Variants in FSTL1 observed in about 807,000 individuals in gnomAD.
The protein encoded by FSTL1 is follistatin like 1.
FSTL1 carries 24 observed loss-of-function variants against 45.9 expected under a neutral mutation model. The ratio of observed to expected loss-of-function variants is 0.52; its 90% CI spans 0.38 to 0.74. FSTL1 has a LOEUF of 0.74. Ranked by LOEUF, FSTL1 falls within the 30% of genes least tolerant of loss-of-function variation. The pLI is 0.00. For missense variants in FSTL1, 340 were observed against 381.8 expected (o/e 0.89, Z 0.91); for synonymous variants, 120 against 137.6 (o/e 0.87, Z 0.89).
intron 2 of FSTL1, among the ~76,000 whole-genome samples, chr3:120,441,971 C>T (rs1937633518): frequency 6.6e-6 from 1 of 152,224 alleles, no homozygotes; most frequent in Non-Finnish European, 1.5e-5. Context: ...TTATGTTATA[C>T]TTCCTCTCGA....
intron 2 of FSTL1, among the ~76,000 whole-genome samples, chr3:120,442,257 G>A (rs760991689): frequency 1.3e-5 from 2 of 152,180 alleles, no homozygotes; most frequent in African/African-American, 2.4e-5. Context: ...GTGACTTCGG[G>A]GAGGTTAAGT....
intron 2 of FSTL1, among the ~76,000 whole-genome samples, chr3:120,447,535 A>G (rs1937783074): frequency 6.6e-6 from 1 of 152,204 alleles, no homozygotes; most frequent in African/African-American, 2.4e-5. Flanking sequence ...ACAGAGTAGT[A>G]AGAGAGTGAG....
intron 9 of FSTL1, chr3:120,400,169 C>T (rs1373451704): frequency 1.7e-6 from 1 of 581,780 alleles, no homozygotes; most frequent in Non-Finnish European, 3.1e-6. Context: ...CAATCTACCC[C>T]AACTCCTCTC....
In FSTL1 at chr3:120,445,680, T is replaced by TA. The variant is rs1005188979; in HGVS notation, c.63+5003dup. On this transcript the variant is annotated intron_variant, in intron 2 of 10. Transcript: ENST00000295633. Reference sequence around the variant, plus strand: ...AGGAAGGCCCTACATTAATGTAAATTAAAAAAAAAACAGCAATAAGTATAA... The same window carrying TA: ...AGGAAGGCCCTACATTAATGTAAATTAAAAAAAAAAACAGCAATAAGTATAA... Among the ~76,000 whole-genome samples the TA allele has an allele frequency of 2.1e-3, 302 of 145,524 alleles. 30 individuals are homozygous for TA. The highest frequency in any genetic ancestry group is 5.9e-3 in the African/African-American group (221 of 37,670).
intron 10 of FSTL1, 148 bp downstream of exon 10, chr3:120,399,735 A>T (rs2107648684): frequency 1.7e-6 from 1 of 602,746 alleles, no homozygotes; most frequent in East Asian, 2.8e-5. Context: ...TCACAGTTTG[A>T]TAGTACAGGT....
chr3:120,396,047 G>T lies in FSTL1; in HGVS notation c.*905C>A. 1 of 216,678 alleles carries T rather than the reference G, an allele frequency of 4.6e-6. No individual in the cohort carries two copies. The allele number at this position is 216,678 out of a possible 1,614,324, so 13.4% of individuals were successfully genotyped here. Reference sequence around the variant, plus strand: ...CACCCTTGCTCCTCTGGCAGATAGTGGACTGCTGGAAGCTAGGGGGGCCAA... The same window carrying T: ...CACCCTTGCTCCTCTGGCAGATAGTTGACTGCTGGAAGCTAGGGGGGCCAA... On this transcript the variant is annotated 3_prime_UTR_variant, in exon 11 of 11. Coordinates refer to ENST00000295633, the MANE Select transcript of FSTL1 (RefSeq NM_007085.5).
rs368569724 is a variant in FSTL1, at chr3:120,447,731, C to T, written c.63+2953G>A. ...TGGCACCATCACGGCTCACTGCAGC[C>T]TCAACCTCCTGGGTTCAAGTGATTT... is the stretch of plus-strand genomic sequence containing the variant. On this transcript the variant is annotated intron_variant, in intron 2 of 10. Coordinates refer to ENST00000295633, the MANE Select transcript of FSTL1 (RefSeq NM_007085.5). 1.5e-4 allele frequency among the ~76,000 whole-genome samples: 23 copies of T among 152,338 alleles called. 1 individual carries two copies. In the South Asian group the frequency reaches 4.6e-3, roughly 30 times the overall value.
intron 2 of FSTL1, among the ~76,000 whole-genome samples, chr3:120,424,727 G>A (rs962706429): frequency 2.6e-5 from 4 of 152,190 alleles, no homozygotes; most frequent in Non-Finnish European, 5.9e-5. Flanking sequence ...CCTGAATAGA[G>A]AGAGGAAGGA....
intron 2 of FSTL1, among the ~76,000 whole-genome samples, chr3:120,426,100 A>G (rs1265587148): frequency 6.6e-6 from 1 of 152,168 alleles, no homozygotes; most frequent in Non-Finnish European, 1.5e-5. Flanking sequence ...ACATTTACTC[A>G]GCATTCATGC....
At chr3:120,407,064 G>A (rs780334680) in intron 6 of FSTL1, among the ~76,000 whole-genome samples, 3 of 152,178 alleles carry the variant, frequency 2.0e-5, no homozygotes, top group Non-Finnish European at 4.4e-5. Context: ...CATGAATTCA[G>A]GTGTGAAATT....
chr3:120,399,878 C>T lies in FSTL1; in HGVS notation c.882+5G>A. Reference sequence around the variant, plus strand: ...ACCTGAACCAGCACGGAGGCTGCCACTCACCTGATGCTTTTGGAGCTCCTG... The same window carrying T: ...ACCTGAACCAGCACGGAGGCTGCCATTCACCTGATGCTTTTGGAGCTCCTG... On this transcript the variant is annotated splice_donor_5th_base_variant and intron_variant, in intron 10 of 10. Transcript: ENST00000295633. 6.3e-7 allele frequency: 1 copy of T among 1,593,894 alleles called. No individual in the cohort carries two copies. Among genetic ancestry groups the T allele is most frequent in the Non-Finnish European group, 8.6e-7 (1 of 1,166,564 alleles).
At chr3:120,437,377 A>G (rs899516895) in intron 2 of FSTL1, among the ~76,000 whole-genome samples, 1 of 152,230 alleles carries the variant, frequency 6.6e-6, no homozygotes, top group Non-Finnish European at 1.5e-5. Flanking sequence ...CAAACTTCAC[A>G]CCATAAAAAT....
intron 10 of FSTL1, 51 bp downstream of exon 10, chr3:120,399,832 G>A: frequency 8.1e-7 from 1 of 1,231,624 alleles, no homozygotes; most frequent in African/African-American, 1.5e-5. Flanking sequence ...GAATGGTATA[G>A]GGCCTGATGG....
At chr3:120,405,385 AAT>A (rs1448976542) in intron 6 of FSTL1, among the ~76,000 whole-genome samples, 3 of 152,202 alleles carry the variant, frequency 2.0e-5, no homozygotes, top group Non-Finnish European at 4.4e-5. Flanking sequence ...CAGGTCCCAG[AAT>A]ATGTTTCTAA....
At chr3:120,439,795 C>T (rs951696150) in intron 2 of FSTL1, among the ~76,000 whole-genome samples, 2 of 152,178 alleles carry the variant, frequency 1.3e-5, no homozygotes, top group Non-Finnish European at 2.9e-5. Flanking sequence ...GTGAATACAT[C>T]TGAAGAACAA....
At chr3:120,410,344 G>A (rs572448072) in intron 5 of FSTL1, 2 of 182,202 alleles carry the variant, frequency 1.1e-5, no homozygotes, top group Admixed American at 1.1e-4. Flanking sequence ...CACTGGGCCA[G>A]GGGAATGAAA....
chr3:120,440,469 C>T (rs1937616723), intron 2 of FSTL1, among the ~76,000 whole-genome samples: 1 of 152,224 alleles, frequency 6.6e-6, no homozygotes, highest in Non-Finnish European at 1.5e-5. Flanking sequence ...TGGGTCACTT[C>T]CTCCTGGAAG....
intron 7 of FSTL1, among the ~76,000 whole-genome samples, chr3:120,404,113 C>T (rs1236055077): frequency 1.3e-5 from 2 of 152,098 alleles, no homozygotes. Context: ...AGCCTGTCTT[C>T]CCATCCGTAA....
At position 120,409,629 on chromosome 3, in the gene FSTL1, C is replaced by T. The variant is rs748013373; in HGVS notation, c.365G>A (p.Arg122Gln). The T allele has an allele frequency of 8.1e-6, 13 of 1,614,034 alleles. No homozygotes were observed. The highest frequency in any genetic ancestry group is 1.6e-4 in the Middle Eastern group (1 of 6,062). ...VCYQSNRDELRRRIIQWLEAE... is the reference protein window; with the variant it reads ...VCYQSNRDELQRRIIQWLEAE... ...TTCCAGCCACTGGATGATGCGACGT[C>T]GGAGCTCATCACGGTTGGACTGATA... The change falls in exon 6 of 11, where the codon CGA (arginine) becomes CAA (glutamine). Residue 122 changes from arginine (R) to glutamine (Q), a missense_variant. Arg to Gln is a conservative substitution (Grantham distance 43, BLOSUM62 1). Transcript: ENST00000295633.
Sources: gnomAD v4.1 joint callset for allele counts (sites outside exome capture counted in the v4.1 genomes callset) on GRCh38, gnomAD v4.1.1 for gene constraint, MANE v1.5 for transcripts, NCBI Gene and HGNC (gene_info 2026-07-23, HGNC 2026-07-21) for gene names.